Variants in PPARG observed in about 807,000 individuals in gnomAD.
PPARG encodes the protein peroxisome proliferator activated receptor gamma, also known as peroxisome proliferator-activated receptor gamma.
PPARG carries 17 observed loss-of-function variants against 39.2 expected under a neutral mutation model. The ratio of observed to expected loss-of-function variants is 0.43; its 90% CI spans 0.30 to 0.65. The LOEUF is 0.65. Among genes scored for constraint, PPARG ranks in the 30% least tolerant of loss-of-function variants. The pLI, the probability that PPARG is intolerant of heterozygous loss-of-function variation, is 0.13. For synonymous variants in PPARG, 223 were observed against 215.7 expected (o/e 1.03, Z -0.30); for missense variants, 406 against 585.9 (o/e 0.69, Z 3.17).
chr3:12,289,419 A>G (rs2046594518), intron 1 of PPARG, among the ~76,000 whole-genome samples: 1 of 152,174 alleles, frequency 6.6e-6, no homozygotes, highest in South Asian at 2.1e-4. Flanking sequence ...GTAAATTATC[A>G]TTTGGATATA....
rs2049549657 is a variant in PPARG, at chr3:12,379,606, C to T, written c.-8-98C>T. On this transcript the variant is annotated intron_variant, in intron 2 of 7. Transcript: ENST00000651735. ...TGTTGTGAGCGCCCAGATGAGATTACTTTGCCAAAGACTCTTTTCATTTCT... is the reference window on the plus strand; with the variant it reads ...TGTTGTGAGCGCCCAGATGAGATTATTTTGCCAAAGACTCTTTTCATTTCT... 6 of 1,157,538 alleles carry T rather than the reference C, an allele frequency of 5.2e-6. No homozygotes were observed. In the South Asian group the frequency reaches 7.6e-5, roughly 15 times the overall value. 71.7% of individuals were successfully genotyped at this position (1,157,538 alleles called of 1,614,324 possible).
intron 7 of PPARG, among the ~76,000 whole-genome samples, chr3:12,420,199 G>T (rs1440390970): frequency 1.3e-5 from 2 of 152,206 alleles, no homozygotes; most frequent in East Asian, 3.8e-4. Context: ...GTTTCTACTA[G>T]GCAAGGTCTA....
chr3:12,293,387 G>C (rs2046698594), intron 1 of PPARG, among the ~76,000 whole-genome samples: 1 of 152,088 alleles, frequency 6.6e-6, no homozygotes, highest in African/African-American at 2.4e-5. Flanking sequence ...TCATCTGGGA[G>C]GATTATGTGT....
intron 2 of PPARG, among the ~76,000 whole-genome samples, chr3:12,317,848 A>G (rs1173683649): frequency 2.6e-5 from 4 of 152,344 alleles, no homozygotes; most frequent in East Asian, 3.9e-4. Context: ...ATACATTTAA[A>G]TGATTTCTGT....
At chr3:12,345,640 C>A (rs1289865737) in intron 2 of PPARG, among the ~76,000 whole-genome samples, 1 of 152,116 alleles carries the variant, frequency 6.6e-6, no homozygotes, top group East Asian at 1.9e-4. Context: ...ACCCATTTTC[C>A]TTATATCAAA....
chr3:12,371,900 G>T (rs1174101749), intron 2 of PPARG: 1 of 708,542 alleles, frequency 1.4e-6, no homozygotes, highest in East Asian at 2.7e-5. Context: ...GATGGGAGAG[G>T]AATTAGTAAA....
chr3:12,353,108 A>AT (rs1358994578), intron 2 of PPARG, among the ~76,000 whole-genome samples: 2 of 152,218 alleles, frequency 1.3e-5, no homozygotes, highest in Non-Finnish European at 2.9e-5. Flanking sequence ...GTTAGTTTTC[A>AT]TTCTGTGCTA....
intron 6 of PPARG, among the ~76,000 whole-genome samples, chr3:12,409,733 A>G (rs1298225986): frequency 6.6e-6 from 1 of 152,192 alleles, no homozygotes; most frequent in Non-Finnish European, 1.5e-5. Flanking sequence ...ATAGTGGGTG[A>G]CCAATTACCC....
chr3:12,430,762 G>A (rs1277802290), intron 7 of PPARG, among the ~76,000 whole-genome samples: 1 of 152,200 alleles, frequency 6.6e-6, no homozygotes, highest in Non-Finnish European at 1.5e-5. Context: ...AGGATTTCAG[G>A]ATGGAATCCC....
At chr3:12,417,902 C>CCTTTTT (rs2051130715) in intron 7 of PPARG, among the ~76,000 whole-genome samples, 13 of 65,902 alleles carry the variant, frequency 2.0e-4, no homozygotes, top group Non-Finnish European at 2.5e-4. Flanking sequence ...TTTTTTTTTC[C>CCTTTTT]TTTTTTTTTT....
chr3:12,431,873 G>T (rs2051673178), intron 7 of PPARG, among the ~76,000 whole-genome samples: 1 of 152,060 alleles, frequency 6.6e-6, no homozygotes, highest in Non-Finnish European at 1.5e-5. Context: ...CCAGGAGTTG[G>T]AGGCTGCAGT....
At chr3:12,351,453 T>C (rs558518679) in intron 2 of PPARG, 1 of 708,356 alleles carries the variant, frequency 1.4e-6, no homozygotes, top group East Asian at 2.7e-5. Context: ...CTCCCAAATA[T>C]TTGGAAACTG....
At chr3:12,308,433 A>G (rs2047138111) in intron 1 of PPARG, among the ~76,000 whole-genome samples, 1 of 151,954 alleles carries the variant, frequency 6.6e-6, no homozygotes, top group South Asian at 2.1e-4. Flanking sequence ...GATGGGCAAA[A>G]TATCAAATGC....
Position 12,392,649 on chromosome 3 carries a change from C to G in PPARG, c.426C>G (p.Ile142Met), listed in dbSNP as rs2050119238. ...GGAGAACAATCAGATTGAAGCTTATCTATGACAGATGTGATCTTAACTGTC... is the reference window on the plus strand; with the variant it reads ...GGAGAACAATCAGATTGAAGCTTATGTATGACAGATGTGATCTTAACTGTC... ...FFRRTIRLKL[I>M]YDRCDLNCRI... is the part of the protein sequence containing the mutation. Residue 142 changes from isoleucine (I) to methionine (M), a missense_variant, in exon 5 of 8, where the codon ATC (isoleucine) becomes ATG (methionine). Ile to Met is a conservative substitution (Grantham distance 10, BLOSUM62 1). Transcript: ENST00000651735. 1 of 1,613,784 alleles carries G rather than the reference C, an allele frequency of 6.2e-7. No individual in the cohort carries two copies. Among genetic ancestry groups the G allele is most frequent in the African/African-American group, 1.3e-5 (1 of 74,906 alleles).
intron 2 of PPARG, among the ~76,000 whole-genome samples, 199 bp downstream of exon 2, chr3:12,312,652 A>T (rs1015356836): frequency 6.6e-5 from 10 of 152,240 alleles, no homozygotes; most frequent in Non-Finnish European, 1.5e-4. Context: ...CAAAGGTAAG[A>T]TAGGAAAATG....
intron 2 of PPARG, among the ~76,000 whole-genome samples, chr3:12,349,670 A>G (rs2048424720): frequency 6.6e-6 from 1 of 152,250 alleles, no homozygotes; most frequent in African/African-American, 2.4e-5. Flanking sequence ...TTTGTTGAAC[A>G]AACAAATGCA....
chr3:12,356,292 C>T lies in PPARG; in HGVS notation c.-8-23412C>T, dbSNP rs567142973. ...TTTGCACCTGTAACTAATTTAAAGA[C>T]GAAGAAATTGCACATGTAACTGATA... On this transcript the variant is annotated intron_variant, in intron 2 of 7. Transcript: ENST00000651735. Among the ~76,000 whole-genome samples, 33 of 152,194 alleles carry T rather than the reference C, an allele frequency of 2.2e-4. 1 individual carries two copies. In the Middle Eastern group the frequency reaches 0.014, roughly 63 times the overall value.
At chr3:12,347,079 A>T (rs931092580) in intron 2 of PPARG, among the ~76,000 whole-genome samples, 3 of 152,052 alleles carry the variant, frequency 2.0e-5, no homozygotes, top group Non-Finnish European at 4.4e-5. Flanking sequence ...GATACACGAG[A>T]GACTGAGGCA....
intron 2 of PPARG, among the ~76,000 whole-genome samples, chr3:12,354,753 CA>C (rs71063823): frequency 0.35 from 40,172 of 115,696 alleles, 5,459 homozygotes; most frequent in African/African-American, 0.4. Context: ...GACTCCATCT[CA>C]AAAAAAAAAA....
Sources: gnomAD v4.1 joint callset for allele counts (sites outside exome capture counted in the v4.1 genomes callset) on GRCh38, gnomAD v4.1.1 for gene constraint, MANE v1.5 for transcripts, NCBI Gene and HGNC (gene_info 2026-07-23, HGNC 2026-07-21) for gene names.